The following BRCA1 variants were observed in gnomAD, a reference collection of about 807,000 sequenced individuals.
BRCA1 encodes BRCA1 DNA repair associated.
A neutral mutation model predicts 173.7 loss-of-function variants in BRCA1; 140 were observed. That is an observed-to-expected ratio of 0.81 (90% CI 0.70 to 0.93). The LOEUF is 0.93. Ranked by LOEUF, BRCA1 falls within the 40% of genes least tolerant of loss-of-function variation. The pLI, the probability that BRCA1 is intolerant of heterozygous loss-of-function variation, is 0.00. For synonymous variants in BRCA1, 662 were observed against 756.0 expected (o/e 0.88, Z 2.04); for missense variants, 1,983 against 2,172.5 (o/e 0.91, Z 1.73).
rs778735627 is a variant in BRCA1 at position 43,095,966 on chromosome 17, T to C, written c.594-44A>G. On this transcript the variant is annotated intron_variant, in intron 8 of 22. Coordinates refer to ENST00000357654, the MANE Select transcript of BRCA1 (RefSeq NM_007294.4). ...GTCCTAATAAGAAACACTAGTTACA[T>C]GTATGCAGAACTGTCAAATGACCAA... The C allele has an allele frequency of 2.4e-5, 36 of 1,477,278 alleles. No homozygotes were observed. In the African/African-American group the frequency reaches 3.0e-4, roughly 13 times the overall value. 91.5% of individuals were successfully genotyped at this position (1,477,278 alleles called of 1,614,324 possible).
chr17:43,067,552 C>T (rs2153691816), intron 16 of BRCA1, 56 bp downstream of exon 16: 1 of 1,443,774 alleles, frequency 6.9e-7, no homozygotes, highest in Middle Eastern at 1.7e-4. Flanking sequence ...CCGTGCCTCG[C>T]CTCATGTGGT....
At chr17:43,096,245 C>T (rs1007738177) in intron 8 of BRCA1, among the ~76,000 whole-genome samples, 6 of 151,682 alleles carry the variant, frequency 4.0e-5, no homozygotes, top group Non-Finnish European at 7.4e-5. Flanking sequence ...GGTGTGGTGG[C>T]GCGCGCCTGT....
intron 18 of BRCA1, among the ~76,000 whole-genome samples, chr17:43,058,068 G>A (rs890129854): frequency 1.6e-4 from 24 of 147,616 alleles, no homozygotes; most frequent in African/African-American, 4.8e-4. Context: ...AGAATTGCCA[G>A]GCAGGCAGTA....
Position 43,157,735 on chromosome 17 carries a change from G to A in BRCA1, c.-20+12391C>T, listed in dbSNP as rs34120358. 4.0e-5 allele frequency among the ~76,000 whole-genome samples: 6 copies of A among 151,406 alleles called. No homozygotes were observed. In the South Asian group the frequency reaches 1.3e-3, roughly 32 times the overall value. On this transcript the variant is annotated intron_variant, in intron 1 of 7. Coordinates refer to the BRCA1 transcript ENST00000634433. ...AAAAAATCTGGGCGCAGTGGCTCACGCCTGTAATCCCAGCACTTTGGGAGG... is the reference window on the plus strand; with the variant it reads ...AAAAAATCTGGGCGCAGTGGCTCACACCTGTAATCCCAGCACTTTGGGAGG...
intron 1 of BRCA1, chr17:43,161,054 T>C (rs2056232954): frequency 6.6e-6 from 1 of 152,208 alleles, no homozygotes; most frequent in Admixed American, 6.5e-5. Context: ...TCTCTAACTA[T>C]GTCTTCAACT....
chr17:43,151,027 G>A (rs1215600855), intron 1 of BRCA1, among the ~76,000 whole-genome samples: 2 of 152,114 alleles, frequency 1.3e-5, no homozygotes, highest in Non-Finnish European at 2.9e-5. Context: ...AGTTGGGTGG[G>A]TGGGGCATAT....
chr17:43,093,918 T>C lies in BRCA1; in HGVS notation c.1613A>G (p.Gln538Arg). The C allele has an allele frequency of 6.2e-7, 1 of 1,614,008 alleles. No homozygotes were observed. The highest frequency in any genetic ancestry group is 8.5e-7 in the Non-Finnish European group (1 of 1,179,970). Reference protein sequence around the residue: ...TPEMINQGTNQTEQNGQVMNI... With the variant: ...TPEMINQGTNRTEQNGQVMNI... ...CATCACTTGACCATTCTGCTCCGTTTGGTTAGTTCCCTGATTTATCATTTC... is the reference window on the plus strand; with the variant it reads ...CATCACTTGACCATTCTGCTCCGTTCGGTTAGTTCCCTGATTTATCATTTC... The change falls in exon 10 of 23, where the codon CAA becomes CGA. Residue 538 changes from glutamine (Q) to arginine (R), a missense_variant. Transcript: ENST00000357654.
chr17:43,128,276 C>T (rs574942113), upstream of BRCA1, among the ~76,000 whole-genome samples: 14 of 151,976 alleles, frequency 9.2e-5, no homozygotes, highest in Admixed American at 2.0e-4. Flanking sequence ...ACGGGAGGAA[C>T]GAACAAACTC....
At chr17:43,133,739 A>G (rs1010659161) in intron 1 of BRCA1, among the ~76,000 whole-genome samples, 3 of 151,574 alleles carry the variant, frequency 2.0e-5, no homozygotes, top group African/African-American at 7.3e-5. Context: ...GGTTCAAGCA[A>G]TTATCATACC....
intron 11 of BRCA1, among the ~76,000 whole-genome samples, chr17:43,087,656 C>A (rs1253338644): frequency 3.4e-5 from 5 of 147,762 alleles, no homozygotes; most frequent in Non-Finnish European, 7.4e-5. Flanking sequence ...GAGTGAAACT[C>A]CATCTCAGAA....
chr17:43,063,780 A>G, intron 17 of BRCA1, 94 bp downstream of exon 17: 3 of 977,214 alleles, frequency 3.1e-6, no homozygotes, highest in Non-Finnish European at 1.6e-6. Flanking sequence ...ACTCAGACTC[A>G]GCATCAGCAA....
At chr17:43,056,685 A>AAG (rs368740506) in intron 19 of BRCA1, among the ~76,000 whole-genome samples, 6 of 151,500 alleles carry the variant, frequency 4.0e-5, no homozygotes, top group Non-Finnish European at 1.5e-5. Context: ...GAAAAAAAAA[A>AAG]AGAGAGAGAG....
At chr17:43,143,182 C>A (rs1206888296) in intron 1 of BRCA1, among the ~76,000 whole-genome samples, 2 of 150,770 alleles carry the variant, frequency 1.3e-5, no homozygotes, top group East Asian at 2.0e-4. Context: ...CTCAGGTGAT[C>A]CGCCTGCCTT....
chr17:43,048,514 CTCTCT>C (rs2051037053), intron 21 of BRCA1, among the ~76,000 whole-genome samples: 1 of 146,598 alleles, frequency 6.8e-6, no homozygotes, highest in African/African-American at 2.5e-5. Context: ...TTTTCTCTCT[CTCTCT>C]TTTTTTTTTT....
chr17:43,081,710 T>G (rs2154135868), intron 12 of BRCA1, among the ~76,000 whole-genome samples: 1 of 152,318 alleles, frequency 6.6e-6, no homozygotes, highest in South Asian at 2.1e-4. Context: ...CATCTCACTT[T>G]CCTTCATTTA....
At chr17:43,065,396 C>T (rs1365705772) in intron 16 of BRCA1, among the ~76,000 whole-genome samples, 1 of 152,082 alleles carries the variant, frequency 6.6e-6, no homozygotes, top group African/African-American at 2.4e-5. Flanking sequence ...AGGCTAGGCG[C>T]GATGGCTCAC....
At chr17:43,054,177 G>A (rs2051364862) in intron 19 of BRCA1, among the ~76,000 whole-genome samples, 1 of 152,148 alleles carries the variant, frequency 6.6e-6, no homozygotes, top group South Asian at 2.1e-4. Flanking sequence ...ATACTGCCTA[G>A]CATACAGTGG....
At chr17:43,156,624 C>A (rs904808944) in intron 1 of BRCA1, among the ~76,000 whole-genome samples, 2 of 152,118 alleles carry the variant, frequency 1.3e-5, no homozygotes, top group South Asian at 2.1e-4. Context: ...AAAGAAAACT[C>A]TGATTGGTTA....
At position 43,083,440 on chromosome 17, in the gene BRCA1, G is replaced by A. The variant is rs186933566; in HGVS notation, c.4186-865C>T. Reference sequence around the variant, plus strand: ...CAAAGTGCTGGGATTAGAGACATGCGCCATTGTGCCTGACCTGAACCTTTA... The same window carrying A: ...CAAAGTGCTGGGATTAGAGACATGCACCATTGTGCCTGACCTGAACCTTTA... On this transcript the variant is annotated intron_variant, in intron 11 of 22. Transcript: ENST00000357654. Among the ~76,000 whole-genome samples the A allele has an allele frequency of 1.2e-4, 19 of 152,250 alleles. No homozygotes were observed. The South Asian group carries it at 2.9e-3, about 23-fold the overall frequency.
Sources: gnomAD v4.1 joint callset for allele counts (sites outside exome capture counted in the v4.1 genomes callset) on GRCh38, gnomAD v4.1.1 for gene constraint, MANE v1.5 for transcripts, NCBI Gene and HGNC (gene_info 2026-07-23, HGNC 2026-07-21) for gene names.